The following AHCYL2 variants were observed in gnomAD, a reference collection of about 807,000 sequenced individuals.
AHCYL2 encodes adenosylhomocysteinase like 2.
In AHCYL2, 28 loss-of-function variants were observed where a neutral mutation model predicts 81.4. The ratio of observed to expected loss-of-function variants is 0.34; its 90% CI spans 0.25 to 0.47. The LOEUF (loss-of-function observed/expected upper bound fraction) is 0.47. Ranked by LOEUF, AHCYL2 falls within the 20% of genes least tolerant of loss-of-function variation. AHCYL2 has a pLI of 1.00. For missense variants in AHCYL2, 551 were observed against 785.1 expected, an observed-to-expected ratio of 0.70 and a Z score of 3.56; for synonymous variants, 272 against 290.2, an observed-to-expected ratio of 0.94 and a Z score of 0.64.
At chr7:129,398,612 C>G (rs1795863501) in intron 5 of AHCYL2, among the ~76,000 whole-genome samples, 1 of 151,364 alleles carries the variant, frequency 6.6e-6, no homozygotes, top group African/African-American at 2.4e-5. Context: ...CTCCTGACCT[C>G]AGATGATCTG....
At chr7:129,227,945 T>A (rs1337916429) in intron 1 of AHCYL2, among the ~76,000 whole-genome samples, 1 of 152,246 alleles carries the variant, frequency 6.6e-6, no homozygotes, top group Non-Finnish European at 1.5e-5. Flanking sequence ...ATCTTTAACC[T>A]TCTTGATATT....
intron 1 of AHCYL2, among the ~76,000 whole-genome samples, chr7:129,323,620 T>C (rs565075954): frequency 2.0e-5 from 3 of 152,336 alleles, no homozygotes; most frequent in Non-Finnish European, 1.5e-5. Context: ...CTGCTTTTTC[T>C]ATTTGTCCTA....
intron 1 of AHCYL2, among the ~76,000 whole-genome samples, chr7:129,330,718 C>T (rs1035565349): frequency 6.6e-6 from 1 of 152,198 alleles, no homozygotes; most frequent in Non-Finnish European, 1.5e-5. Context: ...GCCTTGGCCT[C>T]CCAAAGTGCT....
chr7:129,370,429 G>A (rs1171648088), intron 1 of AHCYL2, among the ~76,000 whole-genome samples: 1 of 152,180 alleles, frequency 6.6e-6, no homozygotes, highest in African/African-American at 2.4e-5. Context: ...GGGTGCGGTG[G>A]CTCACGCCTG....
chr7:129,313,763 TAA>T (rs1797740449), intron 1 of AHCYL2, among the ~76,000 whole-genome samples: 1 of 152,240 alleles, frequency 6.6e-6, no homozygotes, highest in Non-Finnish European at 1.5e-5. Flanking sequence ...TCATAAAAGT[TAA>T]GATACCATAG....
chr7:129,355,478 C>T (rs755696341), intron 1 of AHCYL2, among the ~76,000 whole-genome samples: 1 of 152,122 alleles, frequency 6.6e-6, no homozygotes, highest in Non-Finnish European at 1.5e-5. Context: ...TGCTGAGAAT[C>T]ACATGCACCT....
chr7:129,236,056 C>CT (rs372007860), intron 1 of AHCYL2, among the ~76,000 whole-genome samples: 59 of 140,068 alleles, frequency 4.2e-4, no homozygotes, highest in African/African-American at 1.5e-3. Context: ...TTTTGAGACT[C>CT]TGTCACCTGG....
intron 1 of AHCYL2, among the ~76,000 whole-genome samples, chr7:129,337,767 G>A (rs1011816631): frequency 1.3e-5 from 2 of 151,670 alleles, no homozygotes; most frequent in Non-Finnish European, 2.9e-5. Context: ...CTTTGAGATG[G>A]AGTTTTGCTC....
chr7:129,292,367 G>A (rs889966104), intron 1 of AHCYL2, among the ~76,000 whole-genome samples: 1 of 152,190 alleles, frequency 6.6e-6, no homozygotes, highest in South Asian at 2.1e-4. Flanking sequence ...TGTGAGTATA[G>A]CATATGTAAT....
At chr7:129,257,791 G>C (rs1160005756) in intron 1 of AHCYL2, among the ~76,000 whole-genome samples, 3 of 152,078 alleles carry the variant, frequency 2.0e-5, no homozygotes, top group Non-Finnish European at 4.4e-5. Context: ...TAATGGTCTA[G>C]ATGTGCACAT....
intron 1 of AHCYL2, among the ~76,000 whole-genome samples, chr7:129,352,937 CT>C (rs59762582): frequency 0.25 from 20,546 of 82,286 alleles, 1,064 homozygotes; most frequent in South Asian, 0.35. Context: ...CCTCCTCATT[CT>C]TTTTTTTTTT....
chr7:129,356,790 A>T (rs1044722009), intron 1 of AHCYL2, among the ~76,000 whole-genome samples: 22 of 152,290 alleles, frequency 1.4e-4, no homozygotes, highest in African/African-American at 5.1e-4. Flanking sequence ...GGCCTTGAAG[A>T]TACTCCAAAA....
At chr7:129,262,391 A>T (rs1367803544) in intron 1 of AHCYL2, among the ~76,000 whole-genome samples, 1 of 152,218 alleles carries the variant, frequency 6.6e-6, no homozygotes, top group Non-Finnish European at 1.5e-5. Flanking sequence ...TATGGGTTGC[A>T]TGTACAGAGA....
intron 1 of AHCYL2, among the ~76,000 whole-genome samples, chr7:129,258,485 G>A (rs559780913): frequency 6.6e-6 from 1 of 151,202 alleles, no homozygotes; most frequent in African/African-American, 2.4e-5. Flanking sequence ...AGCTTGGAAT[G>A]CCAATAGTTG....
rs567968006 is a variant in AHCYL2, at chr7:129,422,450, A to G, written c.1462-390A>G. On this transcript the variant is annotated intron_variant, in intron 12 of 16. Transcript: ENST00000325006. ...TTCAGTTTGCACTGTATTAATTTGCACTTGTTTGCATGTTGCTTTGTAAGT... is the reference window on the plus strand; with the variant it reads ...TTCAGTTTGCACTGTATTAATTTGCGCTTGTTTGCATGTTGCTTTGTAAGT... Among the ~76,000 whole-genome samples, 9 of 152,260 alleles carry G rather than the reference A, an allele frequency of 5.9e-5. No homozygotes were observed. The East Asian group carries it at 1.7e-3, about 29-fold the overall frequency.
intron 1 of AHCYL2, among the ~76,000 whole-genome samples, chr7:129,238,298 T>C (rs1222106792): frequency 6.6e-6 from 1 of 152,220 alleles, no homozygotes; most frequent in East Asian, 1.9e-4. Flanking sequence ...ATTCATGTCT[T>C]TCATTTCTGT....
chr7:129,404,983 C>A, intron 7 of AHCYL2, 114 bp from the exon 8 acceptor site: 1 of 567,444 alleles, frequency 1.8e-6, no homozygotes, highest in South Asian at 3.1e-5. Context: ...TGAAACTAGT[C>A]ATGTCTCATG....
At chr7:129,377,790 G>T (rs1382529727) in intron 1 of AHCYL2, among the ~76,000 whole-genome samples, 2 of 152,110 alleles carry the variant, frequency 1.3e-5, no homozygotes, top group East Asian at 3.9e-4. Context: ...AGTGACCTTT[G>T]ATTTGTAGAG....
chr7:129,287,920 A>G (rs1477150841), intron 1 of AHCYL2, among the ~76,000 whole-genome samples: 1 of 151,814 alleles, frequency 6.6e-6, no homozygotes, highest in African/African-American at 2.4e-5. Flanking sequence ...CACACCATCC[A>G]CTCCCTGGAT....
Sources: gnomAD v4.1 joint callset for allele counts (sites outside exome capture counted in the v4.1 genomes callset) on GRCh38, gnomAD v4.1.1 for gene constraint, MANE v1.5 for transcripts, NCBI Gene and HGNC (gene_info 2026-07-23, HGNC 2026-07-21) for gene names.